The following OCA2 variants were observed in gnomAD, a reference collection of about 807,000 sequenced individuals.
OCA2 encodes the protein P protein.
OCA2 carries 77 observed loss-of-function variants against 100.2 expected under a neutral mutation model. That is an observed-to-expected ratio of 0.77 (90% CI 0.64 to 0.93). The LOEUF (loss-of-function observed/expected upper bound fraction) is 0.93. Among genes scored for constraint, OCA2 ranks in the 40% least tolerant of loss-of-function variants. OCA2 has a pLI of 0.00. For synonymous variants in OCA2, 432 were observed against 439.2 expected (o/e 0.98, Z 0.21); for missense variants, 1,062 against 1,089.1 (o/e 0.98, Z 0.35).
intron 2 of OCA2, among the ~76,000 whole-genome samples, chr15:28,040,878 T>C (rs1019665773): frequency 6.6e-6 from 1 of 152,074 alleles, no homozygotes; most frequent in African/African-American, 2.4e-5. Context: ...CTGGATGAGA[T>C]AGCCTTACTG....
intron 9 of OCA2, among the ~76,000 whole-genome samples, chr15:28,005,035 A>T (rs1490799633): frequency 6.6e-6 from 1 of 152,076 alleles, no homozygotes; most frequent in African/African-American, 2.4e-5. Flanking sequence ...CTGTGACAGA[A>T]ACTGTGTGCC....
intron 19 of OCA2, among the ~76,000 whole-genome samples, chr15:27,887,652 G>C (rs999727474): frequency 1.4e-5 from 2 of 145,760 alleles, no homozygotes; most frequent in African/African-American, 5.1e-5. Context: ...GCCCAGTCTA[G>C]GGTATGTCTT....
At chr15:27,940,093 C>T (rs531695408) in intron 18 of OCA2, among the ~76,000 whole-genome samples, 3 of 152,278 alleles carry the variant, frequency 2.0e-5, no homozygotes, top group East Asian at 3.9e-4. Flanking sequence ...TCTTCTCAGG[C>T]TCCTCAAAAT....
chr15:27,970,921 A>T (rs1234197782), intron 14 of OCA2, among the ~76,000 whole-genome samples: 1 of 151,284 alleles, frequency 6.6e-6, no homozygotes, highest in Non-Finnish European at 1.5e-5. Context: ...AACGTAAAGA[A>T]CGTCCCAGCA....
intron 19 of OCA2, among the ~76,000 whole-genome samples, chr15:27,917,861 C>T (rs2038722033): frequency 6.6e-6 from 1 of 152,096 alleles, no homozygotes. Context: ...AAGTCTAACA[C>T]TTTTCAGAAA....
intron 23 of OCA2, among the ~76,000 whole-genome samples, chr15:27,843,957 C>A (rs541968026): frequency 6.6e-6 from 1 of 152,284 alleles, no homozygotes; most frequent in Non-Finnish European, 1.5e-5. Context: ...TTCTGAGAAC[C>A]ATCATTGTGC....
chr15:27,818,732 A>T (rs1846326), intron 23 of OCA2, among the ~76,000 whole-genome samples: 4,761 of 152,294 alleles, frequency 0.031, 119 homozygotes, highest in African/African-American at 0.065. Context: ...TGCATTTCTG[A>T]ACATCTTCTA....
chr15:27,947,687 G>A (rs967082268), intron 18 of OCA2, among the ~76,000 whole-genome samples: 9 of 152,186 alleles, frequency 5.9e-5, no homozygotes, highest in South Asian at 4.1e-4. Context: ...TGGGCCATGC[G>A]CACCAGCCAG....
intron 23 of OCA2, among the ~76,000 whole-genome samples, chr15:27,797,678 G>C (rs1403103735): frequency 2.6e-5 from 4 of 152,202 alleles, no homozygotes; most frequent in African/African-American, 9.6e-5. Flanking sequence ...GACAGGTAGT[G>C]TTTAGAATAA....
At chr15:27,845,108 T>G in intron 22 of OCA2, 56 bp from the exon 23 acceptor site, 1 of 1,300,348 alleles carries the variant, frequency 7.7e-7, no homozygotes, top group Admixed American at 1.7e-5. Flanking sequence ...AAGCTTCTGT[T>G]CTCTTTGGTT....
intron 9 of OCA2, among the ~76,000 whole-genome samples, chr15:28,009,972 C>T (rs2042196411): frequency 6.6e-6 from 1 of 151,938 alleles, no homozygotes; most frequent in African/African-American, 2.4e-5. Flanking sequence ...GCAGTGCTGA[C>T]AGGGAAAATT....
In OCA2 at chr15:28,081,345, C is replaced by A. The variant is rs187418889; in HGVS notation, c.227+303G>T. Among the ~76,000 whole-genome samples, 63 of 152,162 alleles carry A rather than the reference C, an allele frequency of 4.1e-4. No individual in the cohort carries two copies. The East Asian group carries it at 7.5e-3, about 18-fold the overall frequency. ...TATGTATAGAAATAAGGCATGCCCT[C>A]AGAGACATACGCTTTCCAAAATTGC... On this transcript the variant is annotated intron_variant, in intron 2 of 23. Coordinates refer to ENST00000354638, the MANE Select transcript of OCA2 (RefSeq NM_000275.3).
intron 23 of OCA2, among the ~76,000 whole-genome samples, chr15:27,810,036 CAA>C (rs960161157): frequency 1.3e-5 from 2 of 151,276 alleles, no homozygotes; most frequent in African/African-American, 4.9e-5. Flanking sequence ...CATGTGCTAC[CAA>C]AAAAAAGGGC....
At chr15:28,001,972 A>G (rs111562191) in intron 9 of OCA2, among the ~76,000 whole-genome samples, 2,793 of 152,304 alleles carry the variant, frequency 0.018, 100 homozygotes, top group African/African-American at 0.063. Flanking sequence ...ACTCTGCACC[A>G]TAAGTACAAC....
intron 11 of OCA2, 95 bp downstream of exon 11, chr15:27,989,506 C>CT: frequency 1.0e-6 from 1 of 1,004,148 alleles, no homozygotes; most frequent in Non-Finnish European, 1.6e-6. Context: ...GGCGCTGTGT[C>CT]TTTAACATAA....
intron 19 of OCA2, among the ~76,000 whole-genome samples, chr15:27,913,329 C>A (rs1194525301): frequency 6.7e-6 from 1 of 149,516 alleles, no homozygotes; most frequent in East Asian, 2.0e-4. Flanking sequence ...GCCCAAAATT[C>A]TTTCAAAAGA....
Position 28,019,364 on chromosome 15 carries a change from C to A in OCA2, c.647-807G>T, listed in dbSNP as rs112638567. On this transcript the variant is annotated intron_variant, in intron 6 of 23. Transcript: ENST00000354638. ...CGGGAGACAAGGACGGCGCCCTTAA[C>A]TGACCTGGTTGTAGAGGTTTGCTGG... Among the ~76,000 whole-genome samples, 877 of 151,976 alleles carry A rather than the reference C, an allele frequency of 5.8e-3. 7 individuals carry two copies. Among genetic ancestry groups the A allele is most frequent in the African/African-American group, 0.02 (843 of 41,494 alleles).
At chr15:28,082,213 G>A (rs913615738) in intron 1 of OCA2, among the ~76,000 whole-genome samples, 1 of 152,170 alleles carries the variant, frequency 6.6e-6, no homozygotes, top group African/African-American at 2.4e-5. Context: ...TCTGTACAGT[G>A]GACCAATCAG....
intron 2 of OCA2, among the ~76,000 whole-genome samples, chr15:28,049,816 A>G (rs1434905170): frequency 1.3e-5 from 2 of 152,184 alleles, no homozygotes; most frequent in East Asian, 1.9e-4. Flanking sequence ...GAAGGCACGG[A>G]GAGTTATTGC....
Sources: gnomAD v4.1 joint callset for allele counts (sites outside exome capture counted in the v4.1 genomes callset) on GRCh38, gnomAD v4.1.1 for gene constraint, MANE v1.5 for transcripts, NCBI Gene and HGNC (gene_info 2026-07-23, HGNC 2026-07-21) for gene names.